The following PKNOX1 variants were observed in gnomAD, a reference collection of about 807,000 sequenced individuals.
The protein encoded by PKNOX1 is PBX/knotted 1 homeobox 1.
In PKNOX1, 15 loss-of-function variants were observed where a neutral mutation model predicts 51.9. That is an observed-to-expected ratio of 0.29 (90% CI 0.19 to 0.45). The LOEUF (loss-of-function observed/expected upper bound fraction) is 0.45, where lower values mean the gene tolerates loss of function less well. Ranked by LOEUF, PKNOX1 falls within the 20% of genes least tolerant of loss-of-function variation. The pLI is 1.00. For synonymous variants in PKNOX1, 219 were observed against 211.1 expected (o/e 1.04, Z -0.32); for missense variants, 462 against 547.5 (o/e 0.84, Z 1.56).
At chr21:42,984,382 G>GT (rs996163482) in intron 1 of PKNOX1, among the ~76,000 whole-genome samples, 2 of 152,044 alleles carry the variant, frequency 1.3e-5, no homozygotes, top group African/African-American at 2.4e-5. Flanking sequence ...TGTGAGTCCA[G>GT]TTTTTTTCTT....
chr21:43,028,524 C>T lies in PKNOX1; in HGVS notation c.927-178C>T, dbSNP rs566599494. On this transcript the variant is annotated intron_variant, in intron 9 of 10. Transcript: ENST00000291547. ...AAACAACAGGCTCTGTGTTTCTGGGCATTTAGAGAATTCAGAAGAGCTGTT... is the reference window on the plus strand; with the variant it reads ...AAACAACAGGCTCTGTGTTTCTGGGTATTTAGAGAATTCAGAAGAGCTGTT... 1.1e-5 allele frequency: 7 copies of T among 651,940 alleles called. No individual in the cohort carries two copies. In the East Asian group the frequency reaches 1.3e-4, roughly 12 times the overall value. 40.4% of individuals were successfully genotyped at this position (651,940 alleles called of 1,614,324 possible). A position where few individuals can be genotyped will look rare whatever the true frequency, so the allele number is the denominator to read the frequency against.
At chr21:43,012,962 C>A in intron 4 of PKNOX1, 106 bp from the exon 5 acceptor site, 2 of 835,458 alleles carry the variant, frequency 2.4e-6, no homozygotes, top group Non-Finnish European at 3.8e-6. Context: ...TGGTTATTGG[C>A]AGTAGAGATG....
intron 1 of PKNOX1, among the ~76,000 whole-genome samples, chr21:42,980,376 A>G (rs1401955828): frequency 2.5e-5 from 1 of 39,952 alleles, no homozygotes; most frequent in East Asian, 4.8e-4. Flanking sequence ...CATGTCCGAA[A>G]AAAGAGAAAA....
chr21:42,988,254 T>C lies in PKNOX1; in HGVS notation c.-57+13590T>C, dbSNP rs192461954. 1.7e-4 allele frequency among the ~76,000 whole-genome samples: 26 copies of C among 152,084 alleles called. 1 individual carries two copies. The East Asian group carries it at 5.1e-3, about 30-fold the overall frequency. The stretch of plus-strand genomic sequence containing the variant: ...TTAGTAGAGATGGGGTTTCACTATG[T>C]TGGCCAGGCTGGTCTCAAACTCCTG... On this transcript the variant is annotated intron_variant, in intron 1 of 10. Coordinates refer to ENST00000291547, the MANE Select transcript of PKNOX1 (RefSeq NM_004571.5).
intron 8 of PKNOX1, chr21:43,024,428 G>A (rs1174734926): frequency 6.5e-6 from 1 of 154,606 alleles, no homozygotes; most frequent in Non-Finnish European, 1.4e-5. Flanking sequence ...ATTGAAATGT[G>A]CTGTGTATTG....
chr21:43,022,344 G>A (rs1979799603), intron 8 of PKNOX1, among the ~76,000 whole-genome samples: 1 of 152,196 alleles, frequency 6.6e-6, no homozygotes, highest in African/African-American at 2.4e-5. Flanking sequence ...CTGACTGTGG[G>A]CCCCTGAGCC....
At chr21:42,994,413 G>C (rs985854706) in intron 1 of PKNOX1, among the ~76,000 whole-genome samples, 2 of 22,912 alleles carry the variant, frequency 8.7e-5, no homozygotes, top group South Asian at 1.6e-3. Context: ...CTGGCCTCAA[G>C]TGATCCACCC....
Position 43,021,120 on chromosome 21 carries a change from A to G in PKNOX1, c.721-183A>G. ...CAAGATCCTGTCTCAAAAAAAAGAAAGGCTGGTCATGTGGAGGGAGCCGTG... is the reference window on the plus strand; with the variant it reads ...CAAGATCCTGTCTCAAAAAAAAGAAGGGCTGGTCATGTGGAGGGAGCCGTG... On this transcript the variant is annotated intron_variant, in intron 7 of 10. Transcript: ENST00000291547. This position sits in a 1 kb window ranked among gnomAD's most constrained non-coding sequence, Gnocchi z 4.6. The G allele has an allele frequency of 2.3e-6, 1 of 435,364 alleles. No homozygotes were observed. Among genetic ancestry groups the G allele is most frequent in the Non-Finnish European group, 4.2e-6 (1 of 239,974 alleles). 27.0% of individuals were successfully genotyped at this position (435,364 alleles called of 1,614,324 possible).
intron 1 of PKNOX1, among the ~76,000 whole-genome samples, chr21:42,988,198 G>A (rs1185108988): frequency 2.0e-5 from 3 of 151,938 alleles, no homozygotes; most frequent in East Asian, 2.0e-4. Flanking sequence ...AAATAGGCGC[G>A]TGCCACCACA....
chr21:43,004,852 C>T (rs1312411563), intron 2 of PKNOX1, among the ~76,000 whole-genome samples: 1 of 152,096 alleles, frequency 6.6e-6, no homozygotes, highest in Non-Finnish European at 1.5e-5. Flanking sequence ...AGGGGCTGTC[C>T]CAGTAATGAA....
chr21:42,988,648 TGA>T (rs1159009616), intron 1 of PKNOX1, among the ~76,000 whole-genome samples: 1 of 152,208 alleles, frequency 6.6e-6, no homozygotes, highest in Non-Finnish European at 1.5e-5. Flanking sequence ...CACGCTTTGC[TGA>T]GAGTCACTGT....
rs138684250 is a variant in PKNOX1, at chr21:43,009,974, G to A, written c.180-79G>A. 635 of 786,510 alleles carry A rather than the reference G, an allele frequency of 8.1e-4. 3 individuals carry two copies. In the African/African-American group the frequency reaches 0.01, roughly 12 times the overall value. 48.7% of individuals were successfully genotyped at this position (786,510 alleles called of 1,614,324 possible). Reference sequence around the variant, plus strand: ...TTCACCCAACAGAGGTGTTAGTGAAGTAGTGCAGGCATACACGCAAAGACA... The same window carrying A: ...TTCACCCAACAGAGGTGTTAGTGAAATAGTGCAGGCATACACGCAAAGACA... On this transcript the variant is annotated intron_variant, in intron 3 of 10. Coordinates refer to ENST00000291547, the MANE Select transcript of PKNOX1 (RefSeq NM_004571.5).
rs1198846776 is a variant in PKNOX1, at chr21:43,032,969, G to A, written c.*2868G>A. On this transcript the variant is annotated 3_prime_UTR_variant, in exon 11 of 11. Coordinates refer to ENST00000291547, the MANE Select transcript of PKNOX1 (RefSeq NM_004571.5). ...AGCCCTTGGACAGTGGAGAGAATCT[G>A]TAAAAGTGTGACCCCCTCTAAGATT... The A allele has an allele frequency of 5.3e-5, 8 of 152,338 alleles. No homozygotes were observed. In the East Asian group the frequency reaches 1.5e-3, roughly 29 times the overall value. 9.4% of individuals were successfully genotyped at this position (152,338 alleles called of 1,614,324 possible). A position where few individuals can be genotyped will look rare whatever the true frequency, so the allele number is the denominator to read the frequency against.
At chr21:42,983,320 C>T (rs2059036316) in intron 1 of PKNOX1, among the ~76,000 whole-genome samples, 1 of 151,978 alleles carries the variant, frequency 6.6e-6, no homozygotes, top group Non-Finnish European at 1.5e-5. Context: ...AAGCCCCTGG[C>T]AACCACCATT....
chr21:43,028,625 G>C (rs886511709), intron 9 of PKNOX1, 77 bp from the exon 10 acceptor site: 1 of 1,361,166 alleles, frequency 7.3e-7, no homozygotes, highest in Non-Finnish European at 1.0e-6. Context: ...CAGCGTGTTT[G>C]TTAGAAGGAT....
chr21:42,980,575 G>A (rs1484051770), intron 1 of PKNOX1, among the ~76,000 whole-genome samples: 5 of 152,110 alleles, frequency 3.3e-5, no homozygotes, highest in East Asian at 1.9e-4. Context: ...AAATTTTCAC[G>A]TTTGCTTGGC....
At chr21:43,011,066 C>CTT (rs11347992) in intron 4 of PKNOX1, among the ~76,000 whole-genome samples, 17 of 80,746 alleles carry the variant, frequency 2.1e-4, no homozygotes, top group African/African-American at 6.4e-4. Context: ...ACAGCTCTGT[C>CTT]TTTTTTTTTT....
chr21:43,001,891 TG>T (rs1383270233), intron 1 of PKNOX1, among the ~76,000 whole-genome samples: 1 of 151,952 alleles, frequency 6.6e-6, no homozygotes, highest in Non-Finnish European at 1.5e-5. Context: ...ACCTGGGAGA[TG>T]GAGCTTGCAA....
At chr21:42,993,330 A>G (rs2059098651) in intron 1 of PKNOX1, among the ~76,000 whole-genome samples, 1 of 152,074 alleles carries the variant, frequency 6.6e-6, no homozygotes, top group Non-Finnish European at 1.5e-5. Context: ...CACAGGGCCT[A>G]CATCAACAGG....
Sources: gnomAD v4.1 joint callset for allele counts (sites outside exome capture counted in the v4.1 genomes callset) on GRCh38, gnomAD v4.1.1 for gene constraint, Gnocchi (gnomAD v3.1) non-coding constraint, MANE v1.5 for transcripts, NCBI Gene and HGNC (gene_info 2026-07-23, HGNC 2026-07-21) for gene names.